HSDL1: variants seen among roughly 807,000 people sequenced by gnomAD.
HSDL1 encodes the protein inactive hydroxysteroid dehydrogenase-like protein 1.
HSDL1 carries 29 observed loss-of-function variants against 31.5 expected under a neutral mutation model. The ratio of observed to expected loss-of-function variants is 0.92; its 90% CI spans 0.69 to 1.26. The LOEUF (loss-of-function observed/expected upper bound fraction) is 1.26, where lower values mean the gene tolerates loss of function less well. HSDL1 is among the 50% of genes most tolerant of loss of function. The pLI is 0.00. For missense variants in HSDL1, 503 were observed against 416.6 expected, an observed-to-expected ratio of 1.21 and a Z score of -1.81; for synonymous variants, 222 against 155.2, an observed-to-expected ratio of 1.43 and a Z score of -3.20.
At chr16:84,125,005 A>C (rs2086590983) in intron 5 of HSDL1, 3 of 252,734 alleles carry the variant, frequency 1.2e-5, no homozygotes, top group Non-Finnish European at 2.3e-5. Flanking sequence ...AATACCCACC[A>C]ATCACAATAC....
intron 2 of HSDL1, among the ~76,000 whole-genome samples, chr16:84,132,998 G>A (rs2086682515): frequency 6.7e-6 from 1 of 148,636 alleles, no homozygotes; most frequent in African/African-American, 2.5e-5. Context: ...AAAAAAGTCT[G>A]GATACTAAGA....
At chr16:84,132,639 C>G (rs2086679395) in intron 2 of HSDL1, among the ~76,000 whole-genome samples, 1 of 152,140 alleles carries the variant, frequency 6.6e-6, no homozygotes, top group Non-Finnish European at 1.5e-5. Flanking sequence ...GGTGAAGACG[C>G]AGACATTTAA....
chr16:84,141,774 T>C lies in HSDL1; in HGVS notation c.-69+3306A>G, dbSNP rs1246968685. Among the ~76,000 whole-genome samples, 4 of 152,232 alleles carry C rather than the reference T, an allele frequency of 2.6e-5. No individual in the cohort carries two copies. In the East Asian group the frequency reaches 7.7e-4, roughly 29 times the overall value. On this transcript the variant is annotated intron_variant, in intron 1 of 5. Transcript: ENST00000219439. ...AAGGCTGCAGTCCTTTTTATATGTATGTGCTTTCTGTGTTTTGTAATCTAT... is the reference window on the plus strand; with the variant it reads ...AAGGCTGCAGTCCTTTTTATATGTACGTGCTTTCTGTGTTTTGTAATCTAT...
chr16:84,136,110 G>C (rs1410260124), intron 1 of HSDL1, among the ~76,000 whole-genome samples: 1 of 152,106 alleles, frequency 6.6e-6, no homozygotes, highest in Non-Finnish European at 1.5e-5. Flanking sequence ...ACATTGCCAC[G>C]GGCTGCCCTG....
intron 5 of HSDL1, among the ~76,000 whole-genome samples, chr16:84,128,778 G>C (rs980810387): frequency 6.6e-6 from 1 of 151,840 alleles, no homozygotes; most frequent in Non-Finnish European, 1.5e-5. Flanking sequence ...CGTGATCTTG[G>C]CTCACTGCAA....
At chr16:84,127,201 T>C (rs889555703) in intron 5 of HSDL1, among the ~76,000 whole-genome samples, 1 of 146,238 alleles carries the variant, frequency 6.8e-6, no homozygotes, top group Non-Finnish European at 1.5e-5. Flanking sequence ...TAAATAAAAC[T>C]GTTTCTTCTT....
intron 2 of HSDL1, among the ~76,000 whole-genome samples, chr16:84,133,656 G>A (rs2086687837): frequency 6.6e-6 from 1 of 152,190 alleles, no homozygotes; most frequent in African/African-American, 2.4e-5. Flanking sequence ...TTGAACCCGG[G>A]AGGAGGAAGT....
At chr16:84,133,668 A>G (rs975394708) in intron 2 of HSDL1, among the ~76,000 whole-genome samples, 1 of 152,180 alleles carries the variant, frequency 6.6e-6, no homozygotes, top group Non-Finnish European at 1.5e-5. Context: ...GGAGGAAGTT[A>G]CAGTGAGCCG....
At position 84,135,360 on chromosome 16, in the gene HSDL1, G is replaced by C. The variant is rs190230867; in HGVS notation, c.-7+184C>G. ...TCCAAGCCTATAGAGTAAGGCTCTC[G>C]CTACAAAAAGGAGGTCAGGCATGCC... On this transcript the variant is annotated intron_variant, in intron 2 of 5. Coordinates refer to ENST00000219439, the MANE Select transcript of HSDL1 (RefSeq NM_031463.5). Among the ~76,000 whole-genome samples the C allele has an allele frequency of 6.0e-3, 876 of 145,132 alleles. 9 individuals are homozygous for C. Among genetic ancestry groups the C allele is most frequent in the African/African-American group, 0.022 (844 of 39,044 alleles).
intron 3 of HSDL1, chr16:84,130,876 C>T: frequency 3.9e-6 from 2 of 506,950 alleles, no homozygotes; most frequent in African/African-American, 1.9e-5. Context: ...TGGAGGAGGA[C>T]TGGGAACAGG....
In HSDL1 at chr16:84,124,633, G is replaced by C; in HGVS notation, c.990C>G (p.Ala330=). 6.2e-7 allele frequency: 1 copy of C among 1,608,144 alleles called. No homozygotes were observed. The highest frequency in any genetic ancestry group is 8.5e-7 in the Non-Finnish European group (1 of 1,174,512). ...CTTCTCAAGTGGCCATCCAGACTCA[G>C]GCTGTGCAGGATAAGGCTTCCTTAC... The part of the protein sequence containing the change: ...SLRKEALSCT[A] Residue 330 remains alanine, a synonymous_variant, in exon 6 of 6, where the codon GCC becomes GCG. Transcript: ENST00000219439.
At chr16:84,136,094 A>T (rs997890724) in intron 1 of HSDL1, among the ~76,000 whole-genome samples, 1 of 152,148 alleles carries the variant, frequency 6.6e-6, no homozygotes, top group African/African-American at 2.4e-5. Context: ...GTTCCCTGGA[A>T]CATCCACATT....
intron 1 of HSDL1, among the ~76,000 whole-genome samples, chr16:84,143,582 G>T (rs1423842500): frequency 6.6e-6 from 1 of 152,194 alleles, no homozygotes; most frequent in South Asian, 2.1e-4. Flanking sequence ...ACTGTAAAAT[G>T]GCTAAAATGA....
At chr16:84,136,952 G>A (rs1475081848) in intron 1 of HSDL1, among the ~76,000 whole-genome samples, 1 of 152,136 alleles carries the variant, frequency 6.6e-6, no homozygotes. Context: ...CAAATGCCAA[G>A]TTAGGAATGG....
intron 5 of HSDL1, among the ~76,000 whole-genome samples, chr16:84,126,996 G>C (rs1461070842): frequency 6.6e-6 from 1 of 152,134 alleles, no homozygotes. Flanking sequence ...CTCAAGGAAA[G>C]TTTATCAATG....
rs923336807 is a variant in HSDL1, at chr16:84,145,135, C to A, written c.-124G>T. On this transcript the variant is annotated 5_prime_UTR_variant, in exon 1 of 6. Coordinates refer to ENST00000219439, the MANE Select transcript of HSDL1 (RefSeq NM_031463.5). ...CCCGCCAGACCCGCGCGGCCGCCGC[C>A]CCCGTCTCGGCCGCCGGAGCTGCTG... 8.1e-5 allele frequency: 16 copies of A among 197,038 alleles called. No individual in the cohort carries two copies. Among genetic ancestry groups the A allele is most frequent in the Non-Finnish European group, 1.3e-4 (13 of 98,920 alleles). The allele number at this position is 197,038 out of a possible 1,614,324, so 12.2% of individuals were successfully genotyped here. A position where few individuals can be genotyped will look rare whatever the true frequency, so the allele number is the denominator to read the frequency against.
intron 5 of HSDL1, 154 bp from the exon 6 acceptor site, chr16:84,124,882 AATCAATCACAACAAATACCC>A: frequency 1.6e-5 from 9 of 550,182 alleles, no homozygotes; most frequent in East Asian, 6.0e-5. Context: ...AATACCCACC[AATCAATCACAACAAATACCC>A]ACCAATCACA....
At chr16:84,134,387 C>T (rs2151189005) in intron 2 of HSDL1, among the ~76,000 whole-genome samples, 1 of 152,194 alleles carries the variant, frequency 6.6e-6, no homozygotes, top group African/African-American at 2.4e-5. Context: ...CTTTGGGAGG[C>T]CGAGGTGGGC....
At chr16:84,124,909 C>T (rs2086588781) in intron 5 of HSDL1, 181 bp from the exon 6 acceptor site, 1 of 475,550 alleles carries the variant, frequency 2.1e-6, no homozygotes, top group Admixed American at 3.5e-5. Flanking sequence ...ACCCACCAAT[C>T]ACAACAAATA....
Sources: allele counts gnomAD v4.1 joint callset (sites outside exome capture counted in the v4.1 genomes callset), GRCh38; gene constraint gnomAD v4.1.1; transcripts MANE v1.5; gene names NCBI Gene and HGNC (gene_info 2026-07-23, HGNC 2026-07-21).